CDH18: variants seen among roughly 807,000 people sequenced by gnomAD.
CDH18 encodes cadherin 18.
In CDH18, 31 loss-of-function variants were observed where a neutral mutation model predicts 67.9. The ratio of observed to expected loss-of-function variants is 0.46; its 90% CI spans 0.34 to 0.62. CDH18 has a LOEUF of 0.62. Among genes scored for constraint, CDH18 ranks in the 20% least tolerant of loss-of-function variants. CDH18 has a pLI of 0.01. For synonymous variants in CDH18, 362 were observed against 347.2 expected, an observed-to-expected ratio of 1.04 and a Z score of -0.48; for missense variants, 890 against 975.5, an observed-to-expected ratio of 0.91 and a Z score of 1.17.
chr5:19,540,057 T>C (rs528155829), intron 9 of CDH18, among the ~76,000 whole-genome samples: 1 of 152,180 alleles, frequency 6.6e-6, no homozygotes, highest in East Asian at 1.9e-4. Flanking sequence ...CTTATGAGCC[T>C]GGAAAATCAA....
At chr5:20,136,940 G>C (rs1259621324) in intron 2 of CDH18, among the ~76,000 whole-genome samples, 1 of 152,168 alleles carries the variant, frequency 6.6e-6, no homozygotes, top group African/African-American at 2.4e-5. Flanking sequence ...GGCTTGTAGA[G>C]TTTCTGCCAA....
At chr5:19,979,983 A>G (rs1798873819) in intron 2 of CDH18, among the ~76,000 whole-genome samples, 2 of 152,200 alleles carry the variant, frequency 1.3e-5, no homozygotes, top group Admixed American at 6.5e-5. Context: ...AGAAAGAAAT[A>G]AAGCATCGAA....
chr5:19,543,051 T>C (rs1391182595), intron 9 of CDH18, among the ~76,000 whole-genome samples: 1 of 152,144 alleles, frequency 6.6e-6, no homozygotes, highest in South Asian at 2.1e-4. Flanking sequence ...TCATGGTTTT[T>C]TTCATGAATA....
At chr5:19,535,102 C>G (rs1214288739) in intron 9 of CDH18, among the ~76,000 whole-genome samples, 2 of 152,298 alleles carry the variant, frequency 1.3e-5, no homozygotes, top group Admixed American at 6.5e-5. Flanking sequence ...GAATAACCCA[C>G]GTAAGCTGTT....
intron 1 of CDH18, among the ~76,000 whole-genome samples, chr5:20,432,161 G>A (rs1748794873): frequency 6.6e-6 from 1 of 152,016 alleles, no homozygotes; most frequent in African/African-American, 2.4e-5. Context: ...AAGTTTAGGG[G>A]TATTTACTGA....
intron 2 of CDH18, among the ~76,000 whole-genome samples, chr5:19,959,000 T>C (rs1347096298): frequency 1.3e-5 from 2 of 152,128 alleles, no homozygotes; most frequent in Non-Finnish European, 2.9e-5. Flanking sequence ...CAACAATGTC[T>C]GTACCTGGTC....
intron 2 of CDH18, among the ~76,000 whole-genome samples, chr5:19,891,068 C>A (rs887523217): frequency 6.6e-6 from 1 of 152,048 alleles, no homozygotes; most frequent in Non-Finnish European, 1.5e-5. Flanking sequence ...TTCTTACTTC[C>A]TTGTCAATTT....
intron 2 of CDH18, among the ~76,000 whole-genome samples, chr5:19,930,602 G>A (rs898182739): frequency 2.6e-5 from 4 of 151,890 alleles, no homozygotes; most frequent in East Asian, 3.9e-4. Flanking sequence ...GCAAAGCTCC[G>A]GGGGACACTT....
Position 19,854,629 on chromosome 5 carries a change from A to G in CDH18, c.-256-15387T>C, listed in dbSNP as rs150395586. On this transcript the variant is annotated intron_variant, in intron 2 of 12. Coordinates refer to ENST00000382275, the MANE Select transcript of CDH18 (RefSeq NM_004934.5). ...CACCTGTTAACATTTACAGACGACT[A>G]GTAAAAAGGATTACAGTGGGTCCAT... Among the ~76,000 whole-genome samples, 205 of 152,266 alleles carry G rather than the reference A, an allele frequency of 1.3e-3. 1 individual carries two copies. Among genetic ancestry groups the G allele is most frequent in the African/African-American group, 4.8e-3 (199 of 41,572 alleles).
intron 1 of CDH18, among the ~76,000 whole-genome samples, chr5:20,543,058 T>A (rs1230125445): frequency 6.6e-6 from 1 of 152,022 alleles, no homozygotes; most frequent in Non-Finnish European, 1.5e-5. Flanking sequence ...GCTGGCAAAC[T>A]TTTTAAAATT....
At chr5:20,063,292 T>C (rs1330334719) in intron 2 of CDH18, among the ~76,000 whole-genome samples, 1 of 151,664 alleles carries the variant, frequency 6.6e-6, no homozygotes, top group Non-Finnish European at 1.5e-5. Context: ...AATAAAACTA[T>C]AAGCCACTGT....
chr5:20,437,811 C>T (rs1176186925), intron 1 of CDH18, among the ~76,000 whole-genome samples: 2 of 151,090 alleles, frequency 1.3e-5, no homozygotes, highest in Non-Finnish European at 3.0e-5. Flanking sequence ...TACAGAAAAA[C>T]CTCAATTACT....
chr5:20,366,469 A>G (rs1276506774), intron 1 of CDH18, among the ~76,000 whole-genome samples: 3 of 152,142 alleles, frequency 2.0e-5, no homozygotes, highest in African/African-American at 7.2e-5. Context: ...GCTTCTCAAT[A>G]ATTTATTTTC....
intron 2 of CDH18, among the ~76,000 whole-genome samples, chr5:19,944,651 T>A (rs1795127585): frequency 6.6e-6 from 1 of 152,202 alleles, no homozygotes; most frequent in Non-Finnish European, 1.5e-5. Context: ...TATCAGCATA[T>A]TAAGCTGGTA....
At chr5:20,056,682 T>C (rs951744262) in intron 2 of CDH18, among the ~76,000 whole-genome samples, 5 of 128,472 alleles carry the variant, frequency 3.9e-5, no homozygotes, top group East Asian at 2.2e-4. Flanking sequence ...TATATTCTCT[T>C]TTTTTTTTTT....
At position 20,411,522 on chromosome 5, in the gene CDH18, CTT is replaced by C. The variant is rs1243350324; in HGVS notation, c.-579-156019_-579-156018del. ...AAAGCATAGAGGAAAAGCTTCATGA[CTT>C]TGCTGTTGGCAACGAATCCATGGAT... On this transcript the variant is annotated intron_variant, in intron 1 of 14. Coordinates refer to the CDH18 transcript ENST00000507958. 2.0e-5 allele frequency among the ~76,000 whole-genome samples: 3 copies of C among 152,012 alleles called. No individual in the cohort carries two copies. In the East Asian group the frequency reaches 5.8e-4, roughly 29 times the overall value.
chr5:20,043,747 TG>T (rs761560608), intron 2 of CDH18, among the ~76,000 whole-genome samples: 5 of 152,226 alleles, frequency 3.3e-5, no homozygotes, highest in Non-Finnish European at 5.9e-5. Flanking sequence ...GGAATGCATG[TG>T]GGATAGTTCT....
intron 2 of CDH18, among the ~76,000 whole-genome samples, chr5:20,038,353 G>A (rs776822453): frequency 6.6e-6 from 1 of 152,122 alleles, no homozygotes; most frequent in Admixed American, 6.5e-5. Context: ...CATATTATGA[G>A]GGTAGCATCA....
intron 2 of CDH18, among the ~76,000 whole-genome samples, chr5:19,840,031 G>T (rs905003565): frequency 6.6e-6 from 1 of 151,664 alleles, no homozygotes; most frequent in Non-Finnish European, 1.5e-5. Flanking sequence ...GGTCGAGGTG[G>T]GCAGATCACA....
Sources: gnomAD v4.1 joint callset for allele counts (sites outside exome capture counted in the v4.1 genomes callset) on GRCh38, gnomAD v4.1.1 for gene constraint, MANE v1.5 for transcripts, NCBI Gene and HGNC (gene_info 2026-07-23, HGNC 2026-07-21) for gene names.